The following STRADA variants were observed in gnomAD, a reference collection of about 807,000 sequenced individuals.
STRADA encodes the protein STE20 related adaptor alpha.
STRADA carries 26 observed loss-of-function variants against 55.0 expected under a neutral mutation model. The observed-to-expected ratio is 0.47, with a 90% CI of 0.35 to 0.66. STRADA has a LOEUF of 0.66. STRADA is among the 30% of genes least tolerant of loss of function. STRADA has a pLI of 0.01. For synonymous variants in STRADA, 197 were observed against 210.9 expected, an observed-to-expected ratio of 0.93 and a Z score of 0.57; for missense variants, 443 against 549.7, an observed-to-expected ratio of 0.81 and a Z score of 1.94.
At chr17:63,714,331 C>G in intron 4 of STRADA, 1 of 486,682 alleles carries the variant, frequency 2.1e-6, no homozygotes, top group Non-Finnish European at 3.9e-6. Context: ...AATGAGGAGA[C>G]AAGGACCTGT....
chr17:63,720,699 G>A (rs180908754), intron 4 of STRADA, among the ~76,000 whole-genome samples: 2 of 151,030 alleles, frequency 1.3e-5, no homozygotes, highest in East Asian at 2.0e-4. Flanking sequence ...CCGTGAACCC[G>A]GGGAGGCAGA....
In STRADA at chr17:63,710,560, G is replaced by A. The variant is rs1004131748; in HGVS notation, c.512C>T (p.Ala171Val). ...CACCCCCTGCAGGATGTAAGCAATCGCCAGCTCATTCATGCCATCCATGAA... is the reference window on the plus strand; with the variant it reads ...CACCCCCTGCAGGATGTAAGCAATCACCAGCTCATTCATGCCATCCATGAA... ...THFMDGMNELAIAYILQGVLK... is the reference protein window; with the variant it reads ...THFMDGMNELVIAYILQGVLK... The change falls in exon 8 of 13, where the codon GCG becomes GTG. Residue 171 changes from alanine (A) to valine (V), a missense_variant. By Grantham distance (64) the Ala-to-Val change is moderately conservative (BLOSUM62 0). Transcript: ENST00000336174. 3.7e-6 allele frequency: 6 copies of A among 1,613,984 alleles called. No individual in the cohort carries two copies. The highest frequency in any genetic ancestry group is 1.1e-5 in the South Asian group (1 of 91,078).
chr17:63,704,626 G>GC, intron 10 of STRADA, 44 bp from the exon 11 acceptor site: 2 of 992,008 alleles, frequency 2.0e-6, no homozygotes, highest in Non-Finnish European at 2.8e-6. Flanking sequence ...CGGGTGGGGG[G>GC]GGGGGGTGGT....
intron 8 of STRADA, among the ~76,000 whole-genome samples, chr17:63,708,052 TA>T (rs1234398353): frequency 6.6e-6 from 1 of 152,104 alleles, no homozygotes; most frequent in Non-Finnish European, 1.5e-5. Flanking sequence ...AACTAATTTT[TA>T]TATTTTTAGT....
chr17:63,704,638 C>T (rs1193045877), intron 10 of STRADA, 56 bp from the exon 11 acceptor site: 57 of 1,513,522 alleles, frequency 3.8e-5, no homozygotes, highest in Non-Finnish European at 4.9e-5. Context: ...GGGGGTGGTC[C>T]CTGGAAGGCC....
intron 3 of STRADA, chr17:63,726,131 TGCCTAG>T (rs2037644073): frequency 6.6e-6 from 1 of 152,478 alleles, no homozygotes; most frequent in Non-Finnish European, 1.5e-5. Flanking sequence ...CAAAGGGTAA[TGCCTAG>T]GCCTGTCAAA....
intron 12 of STRADA, 39 bp from the exon 13 acceptor site, chr17:63,703,790 C>T: frequency 1.2e-6 from 2 of 1,610,486 alleles, no homozygotes; most frequent in Non-Finnish European, 1.7e-6. Context: ...GATCCTGTTG[C>T]TCTGGGTCCC....
In STRADA at chr17:63,710,570, T is replaced by C; in HGVS notation, c.502A>G (p.Asn168Asp). ...LICTHFMDGM[N>D]ELAIAYILQG... ...AGGATGTAAGCAATCGCCAGCTCAT[T>C]CATGCCATCCATGAAGTGTGTACAG... The change falls in exon 8 of 13, where the codon AAT (asparagine) becomes GAT (aspartate). Residue 168 changes from asparagine to aspartate, a missense_variant. Asn to Asp is a conservative substitution (Grantham distance 23, BLOSUM62 1). Coordinates refer to ENST00000336174, the MANE Select transcript of STRADA (RefSeq NM_001003787.4). 1 of 1,614,008 alleles carries C rather than the reference T, an allele frequency of 6.2e-7. No homozygotes were observed. Among genetic ancestry groups the C allele is most frequent in the Non-Finnish European group, 8.5e-7 (1 of 1,179,912 alleles).
At chr17:63,731,965 C>T (rs540655338) in intron 1 of STRADA, among the ~76,000 whole-genome samples, 18 of 152,200 alleles carry the variant, frequency 1.2e-4, no homozygotes, top group African/African-American at 3.9e-4. Context: ...CCCAGGTTCA[C>T]GCCATTCTCC....
intron 1 of STRADA, among the ~76,000 whole-genome samples, chr17:63,736,750 A>C (rs1339993479): frequency 6.6e-6 from 1 of 151,936 alleles, no homozygotes; most frequent in East Asian, 1.9e-4. Context: ...AGGTTGAAGA[A>C]AATATAATAA....
chr17:63,705,068 G>T, intron 10 of STRADA: 1 of 714,538 alleles, frequency 1.4e-6, no homozygotes, highest in Non-Finnish European at 2.4e-6. Context: ...GGGGAGGCCA[G>T]GCTGGGTGGC....
Position 63,707,352 on chromosome 17 carries a change from G to A in STRADA, c.648C>T (p.Ser216=). ...DGKVYLSGLR[S]NLSMISHGQR... Reference sequence around the variant, plus strand: ...GCCCATGGCTTATCATGCTGAGGTTGCTGCGCAAACCAGACAGGTAGACCT... The same window carrying A: ...GCCCATGGCTTATCATGCTGAGGTTACTGCGCAAACCAGACAGGTAGACCT... The change falls in exon 9 of 13, where the codon AGC becomes AGT. Residue 216 remains serine, a synonymous_variant. Transcript: ENST00000336174. The A allele has an allele frequency of 6.2e-7, 1 of 1,614,176 alleles. No individual in the cohort carries two copies. Among genetic ancestry groups the A allele is most frequent in the Non-Finnish European group, 8.5e-7 (1 of 1,180,028 alleles).
chr17:63,720,763 A>C (rs1256135219), intron 4 of STRADA, among the ~76,000 whole-genome samples: 2 of 138,990 alleles, frequency 1.4e-5, no homozygotes, highest in Admixed American at 1.5e-4. Context: ...CGACAGAGCG[A>C]GACTGTTTAA....
Position 63,704,054 on chromosome 17 carries a change from G to A in STRADA, c.1101-7C>T, listed in dbSNP as rs1458004538. On this transcript the variant is annotated splice_polypyrimidine_tract_variant and splice_region_variant and intron_variant, in intron 11 of 12. Coordinates refer to ENST00000336174, the MANE Select transcript of STRADA (RefSeq NM_001003787.4). ...GAGGGTGCTGGCACTGGGCCTGGAG[G>A]GAAAGGGGAGGAGAGACCGCAGCAT... 6.2e-7 allele frequency: 1 copy of A among 1,613,256 alleles called. No individual in the cohort carries two copies. The highest frequency in any genetic ancestry group is 8.5e-7 in the Non-Finnish European group (1 of 1,179,610).
chr17:63,740,149 C>T lies in STRADA; in HGVS notation c.-45+1592G>A, dbSNP rs200318999. ...ATATACACATACATATATATATATA[C>T]ACACACACACACACACACACACACA... On this transcript the variant is annotated intron_variant, in intron 1 of 12. Coordinates refer to ENST00000336174, the MANE Select transcript of STRADA (RefSeq NM_001003787.4). Among the ~76,000 whole-genome samples the T allele has an allele frequency of 3.0e-3, 141 of 46,778 alleles. 7 individuals are homozygous for T. The highest frequency in any genetic ancestry group is 0.012 in the African/African-American group (123 of 10,334). 30.7% of individuals were successfully genotyped at this position (46,778 alleles called of 152,430 possible).
intron 6 of STRADA, among the ~76,000 whole-genome samples, chr17:63,711,558 G>A (rs2143866948): frequency 6.6e-6 from 1 of 151,768 alleles, no homozygotes; most frequent in East Asian, 2.0e-4. Context: ...TTGCCATGTT[G>A]CCTAGGCCTG....
At chr17:63,735,917 C>A (rs926344739) in intron 1 of STRADA, among the ~76,000 whole-genome samples, 1 of 152,158 alleles carries the variant, frequency 6.6e-6, no homozygotes, top group African/African-American at 2.4e-5. Context: ...ATCCACAGAG[C>A]TCCCAGTCAG....
In STRADA at chr17:63,704,514, C is replaced by A; in HGVS notation, c.927G>T (p.Glu309Asp). 1 of 1,606,004 alleles carries A rather than the reference C, an allele frequency of 6.2e-7. No homozygotes were observed. The highest frequency in any genetic ancestry group is 8.5e-7 in the Non-Finnish European group (1 of 1,175,706). ...LLDTSTIPAE[E>D]LTMSPSRSVA... ...CTGAGCGCGAAGGGCTCATGGTCAG[C>A]TCCTCAGCGGGGATGGTGCTGGTAT... The change falls in exon 11 of 13, where the codon GAG becomes GAT. Residue 309 changes from glutamate (E) to aspartate (D), a missense_variant. Transcript: ENST00000336174.
intron 10 of STRADA, chr17:63,705,211 T>A: frequency 2.0e-6 from 1 of 490,212 alleles, no homozygotes; most frequent in Non-Finnish European, 3.7e-6. Context: ...TGCACTAACG[T>A]GATAGCCACT....
Sources: gnomAD v4.1 joint callset for allele counts (sites outside exome capture counted in the v4.1 genomes callset) on GRCh38, gnomAD v4.1.1 for gene constraint, MANE v1.5 for transcripts, NCBI Gene and HGNC (gene_info 2026-07-23, HGNC 2026-07-21) for gene names.